METTL9: variants seen among roughly 807,000 people sequenced by gnomAD.
METTL9 encodes methyltransferase 9, His-X-His N1(pi)-histidine.
Under a neutral mutation model 36.0 loss-of-function variants are expected in METTL9, and 10 were observed. The observed-to-expected ratio is 0.28, with a 90% confidence interval of 0.17 to 0.47. The LOEUF is 0.47. Ranked by LOEUF, METTL9 falls within the 20% of genes least tolerant of loss-of-function variation. METTL9 has a pLI of 0.99. For synonymous variants in METTL9, 175 were observed against 149.7 expected (o/e 1.17, Z -1.23); for missense variants, 246 against 383.5 (o/e 0.64, Z 3.00).
chr16:21,607,966 T>A (rs1319054410), intron 1 of METTL9, among the ~76,000 whole-genome samples: 1 of 152,080 alleles, frequency 6.6e-6, no homozygotes, highest in African/African-American at 2.4e-5. Context: ...CTGGCCAACA[T>A]GGTGAAACCC....
intron 1 of METTL9, among the ~76,000 whole-genome samples, chr16:21,602,538 C>T (rs1207064043): frequency 6.6e-6 from 1 of 152,090 alleles, no homozygotes; most frequent in East Asian, 1.9e-4. Flanking sequence ...ACTTATTTTA[C>T]AGCCTATGAA....
chr16:21,612,331 G>C (rs1403692732), intron 1 of METTL9: 1 of 210,358 alleles, frequency 4.8e-6, no homozygotes, highest in South Asian at 1.8e-4. Context: ...CTGGGAGTCC[G>C]AGTGCCTGAG....
chr16:21,638,806 G>A (rs1966173179), intron 4 of METTL9, among the ~76,000 whole-genome samples: 1 of 152,200 alleles, frequency 6.6e-6, no homozygotes, highest in Admixed American at 6.5e-5. Flanking sequence ...GAAGGTGTGA[G>A]TAAGGTTTGT....
Position 21,599,584 on chromosome 16 carries a change from C to T in METTL9, c.-150C>T. ...GCTGCGCGCCGGCTGCTCCTCCCCA[C>T]CCCCAGCCTTTGCCCTGAAGGGGGC... On this transcript the variant is annotated 5_prime_UTR_variant, in exon 1 of 5. Transcript: ENST00000358154. This position sits in a 1 kb window ranked among gnomAD's most constrained non-coding sequence, Gnocchi z 4.4. 2 of 1,302,520 alleles carry T rather than the reference C, an allele frequency of 1.5e-6. No homozygotes were observed. Among genetic ancestry groups the T allele is most frequent in the Non-Finnish European group, 1.9e-6 (2 of 1,030,434 alleles). 80.7% of individuals were successfully genotyped at this position (1,302,520 alleles called of 1,614,324 possible).
Position 21,655,214 on chromosome 16 carries a change from T to C in METTL9, c.752-13T>C. 1 of 1,608,350 alleles carries C rather than the reference T, an allele frequency of 6.2e-7. No individual in the cohort carries two copies. Among genetic ancestry groups the C allele is most frequent in the Admixed American group, 1.7e-5 (1 of 59,742 alleles). ...TGTTCAAGAATTTAACTGAATGTTC[T>C]TATTTGTATTAGTAGGTGGCAAGTG... is the stretch of plus-strand genomic sequence containing the variant. On this transcript the variant is annotated splice_polypyrimidine_tract_variant and intron_variant, in intron 4 of 4. Transcript: ENST00000358154.
intron 4 of METTL9, chr16:21,647,007 C>G (rs757639835): frequency 1.6e-6 from 2 of 1,252,146 alleles, no homozygotes; most frequent in Non-Finnish European, 2.3e-6. Flanking sequence ...TCAGATCACA[C>G]CCATCACTGG....
intron 4 of METTL9, among the ~76,000 whole-genome samples, chr16:21,630,724 C>G (rs1043827449): frequency 6.6e-6 from 1 of 152,110 alleles, no homozygotes; most frequent in African/African-American, 2.4e-5. Context: ...ATTTGTAAGA[C>G]CATCTATAGC....
chr16:21,600,753 C>T (rs1311875781), intron 1 of METTL9, among the ~76,000 whole-genome samples: 4 of 152,130 alleles, frequency 2.6e-5, no homozygotes, highest in Non-Finnish European at 5.9e-5. Context: ...CGTATATGAC[C>T]TTAACATAGT....
At position 21,617,793 on chromosome 16, in the gene METTL9, C is replaced by T; in HGVS notation, c.357-72C>T. 5 of 1,287,262 alleles carry T rather than the reference C, an allele frequency of 3.9e-6. No individual in the cohort carries two copies. In the South Asian group the frequency reaches 6.0e-5, roughly 15 times the overall value. 79.7% of individuals were successfully genotyped at this position (1,287,262 alleles called of 1,614,324 possible). ...GTTGTTGGTGCTGAGTCACTATATT[C>T]ACTTTGTGTGTGTATGTGAGGGGTG... On this transcript the variant is annotated intron_variant, in intron 2 of 4. Transcript: ENST00000358154.
In METTL9 at chr16:21,609,685, T is replaced by A. The variant is rs155026; in HGVS notation, c.166-2960T>A. Among the ~76,000 whole-genome samples, 1,348 of 151,924 alleles carry A rather than the reference T, an allele frequency of 8.9e-3. 46 individuals carry two copies. Among genetic ancestry groups the A allele is most frequent in the East Asian group, 0.083 (430 of 5,166 alleles). On this transcript the variant is annotated intron_variant, in intron 1 of 4. Transcript: ENST00000358154. ...AGAAAAAAGAAGGAAGGGGTGGAGC[T>A]GTGTGATGGAGTGAGGGTCCAGGGG...
intron 4 of METTL9, among the ~76,000 whole-genome samples, chr16:21,635,200 A>G (rs1164938640): frequency 6.6e-6 from 1 of 152,172 alleles, no homozygotes; most frequent in Non-Finnish European, 1.5e-5. Flanking sequence ...AAACTTCCCC[A>G]GGTCTGCCTT....
In METTL9 at chr16:21,656,118, A is replaced by G. The variant is rs1344697533; in HGVS notation, c.*686A>G. The G allele has an allele frequency of 1.4e-5, 2 of 142,210 alleles. No individual in the cohort carries two copies. The highest frequency in any genetic ancestry group is 3.1e-5 in the Non-Finnish European group (2 of 64,682). 8.8% of individuals were successfully genotyped at this position (142,210 alleles called of 1,614,324 possible). A position where few individuals can be genotyped will look rare whatever the true frequency, so the allele number is the denominator to read the frequency against. ...AAATTGCAGTGAACACTGAGTCAGT[A>G]AAAAAAAAAAACAGAAACAAAAACC... On this transcript the variant is annotated 3_prime_UTR_variant, in exon 5 of 5. Coordinates refer to ENST00000358154, the MANE Select transcript of METTL9 (RefSeq NM_016025.5).
intron 2 of METTL9, 61 bp downstream of exon 2, chr16:21,612,896 C>A: frequency 7.1e-7 from 1 of 1,409,634 alleles, no homozygotes; most frequent in Admixed American, 2.5e-5. Context: ...AGGAAAAACA[C>A]AAAAAGAAAA....
intron 4 of METTL9, chr16:21,627,700 G>C (rs1965846416): frequency 6.6e-6 from 1 of 152,224 alleles, no homozygotes; most frequent in Admixed American, 6.5e-5. Context: ...TGTAATCCCA[G>C]CACTTTGGGA....
Position 21,599,853 on chromosome 16 carries a change from G to A in METTL9, c.120G>A (p.Pro40=). The stretch of plus-strand genomic sequence containing the variant: ...TGTACGTGAACATGACTAGCGGCCC[G>A]GGTGGGCCGGCGGCGGCCGCGGGCG... ...RSLYVNMTSG[P]GGPAAAAGGR... is the part of the protein sequence containing the mutation. The change falls in exon 1 of 5, where the codon CCG becomes CCA. Residue 40 remains proline (P), a synonymous_variant. Coordinates refer to ENST00000358154, the MANE Select transcript of METTL9 (RefSeq NM_016025.5). This position sits in a 1 kb window ranked among gnomAD's most constrained non-coding sequence, Gnocchi z 4.4. 1 of 1,508,468 alleles carries A rather than the reference G, an allele frequency of 6.6e-7. No homozygotes were observed. The highest frequency in any genetic ancestry group is 8.8e-7 in the Non-Finnish European group (1 of 1,134,922). The allele number at this position is 1,508,468 out of a possible 1,614,324, so 93.4% of individuals were successfully genotyped here. A position where few individuals can be genotyped will look rare whatever the true frequency, so the allele number is the denominator to read the frequency against.
chr16:21,612,968 C>A, intron 2 of METTL9, 133 bp downstream of exon 2: 1 of 742,280 alleles, frequency 1.3e-6, no homozygotes, highest in Non-Finnish European at 2.1e-6. Context: ...AGAACCTTGG[C>A]AGTTGGTCCA....
chr16:21,602,688 C>T (rs2369818), intron 1 of METTL9, among the ~76,000 whole-genome samples: 48,969 of 150,320 alleles, frequency 0.33, 9,343 homozygotes, highest in Non-Finnish European at 0.44. Context: ...GATGGAGTCT[C>T]GCTTCGTCAC....
At chr16:21,650,244 C>T (rs562750028) in intron 4 of METTL9, among the ~76,000 whole-genome samples, 4 of 152,226 alleles carry the variant, frequency 2.6e-5, no homozygotes, top group African/African-American at 9.6e-5. Context: ...TGGTGGCTCA[C>T]GCCTGTAATC....
At chr16:21,613,938 G>A (rs1965494984) in intron 2 of METTL9, among the ~76,000 whole-genome samples, 2 of 151,034 alleles carry the variant, frequency 1.3e-5, no homozygotes, top group South Asian at 2.1e-4. Flanking sequence ...TGGTTAAGAA[G>A]CCTCATTGGA....
Sources: gnomAD v4.1 joint callset for allele counts (sites outside exome capture counted in the v4.1 genomes callset) on GRCh38, gnomAD v4.1.1 for gene constraint, Gnocchi (gnomAD v3.1) non-coding constraint, MANE v1.5 for transcripts, NCBI Gene and HGNC (gene_info 2026-07-23, HGNC 2026-07-21) for gene names.